PLG: variants seen among roughly 807,000 people sequenced by gnomAD.
PLG encodes the protein plasmin.
In PLG, 41 loss-of-function variants were observed where a neutral mutation model predicts 104.4. The ratio of observed to expected loss-of-function variants is 0.39; its 90% CI spans 0.31 to 0.51. The LOEUF is 0.51. Among genes scored for constraint, PLG ranks in the 20% least tolerant of loss-of-function variants. PLG has a pLI of 0.76. For missense variants in PLG, 891 were observed against 1,003.6 expected (o/e 0.89, Z 1.52); for synonymous variants, 337 against 357.1 (o/e 0.94, Z 0.63).
chr6:160,747,983 C>G (rs2115186125), intron 17 of PLG, among the ~76,000 whole-genome samples: 1 of 152,292 alleles, frequency 6.6e-6, no homozygotes, highest in South Asian at 2.1e-4. Flanking sequence ...CCCTGGCTCC[C>G]ATTTACTGGC....
At chr6:160,743,173 T>A (rs1778223819) in intron 17 of PLG, among the ~76,000 whole-genome samples, 1 of 152,160 alleles carries the variant, frequency 6.6e-6, no homozygotes, top group Non-Finnish European at 1.5e-5. Flanking sequence ...ATTTTTGAAG[T>A]AGTTTTTTAA....
intron 10 of PLG, among the ~76,000 whole-genome samples, chr6:160,729,352 C>A (rs1275229844): frequency 2.0e-5 from 3 of 152,090 alleles, no homozygotes; most frequent in Non-Finnish European, 4.4e-5. Flanking sequence ...TATGAGTCTA[C>A]CCCAAAAAAC....
rs1172402922 is a variant in PLG, at chr6:160,735,733, T to G, written c.1682-1154T>G. 2.0e-5 allele frequency among the ~76,000 whole-genome samples: 3 copies of G among 152,188 alleles called. No individual in the cohort carries two copies. The highest frequency in any genetic ancestry group is 7.2e-5 in the African/African-American group (3 of 41,448). On this transcript the variant is annotated intron_variant, in intron 13 of 18. Transcript: ENST00000308192. This position sits in a 1 kb window ranked among gnomAD's most constrained non-coding sequence, Gnocchi z 5.4. Reference sequence around the variant, plus strand: ...ACAAATAATAATAAGCAAAAATAAATAGAAACATTCAGTTTTGTTTTGAAT... The same window carrying G: ...ACAAATAATAATAAGCAAAAATAAAGAGAAACATTCAGTTTTGTTTTGAAT...
rs191282190 is a variant in PLG at position 160,713,492 on chromosome 6, C to A, written c.547+367C>A. 9.6e-4 allele frequency: 259 copies of A among 269,964 alleles called. 2 individuals are homozygous for A. Among genetic ancestry groups the A allele is most frequent in the African/African-American group, 5.6e-3 (253 of 45,088 alleles). The allele number at this position is 269,964 out of a possible 1,614,324, so 16.7% of individuals were successfully genotyped here. ...CCACGTAGGTCAGGCTGGTCTTGAA[C>A]TCTCGACCTCAGGTGATCCGCCTGC... On this transcript the variant is annotated intron_variant, in intron 5 of 18. Coordinates refer to ENST00000308192, the MANE Select transcript of PLG (RefSeq NM_000301.5).
At chr6:160,709,435 C>T (rs1777595289) in intron 3 of PLG, among the ~76,000 whole-genome samples, 1 of 152,160 alleles carries the variant, frequency 6.6e-6, no homozygotes, top group African/African-American at 2.4e-5. Flanking sequence ...TTCCTAGTGC[C>T]CTTAAAATAA....
intron 6 of PLG, 120 bp downstream of exon 6, chr6:160,715,034 T>A: frequency 1.0e-6 from 1 of 997,872 alleles, no homozygotes; most frequent in Non-Finnish European, 1.5e-6. Flanking sequence ...TGTTTTTAAT[T>A]TCAAAGCTAA....
rs1015329067 is a variant in PLG, at chr6:160,722,430, G to T, written c.1119G>T (p.Val373=). 2 of 1,612,028 alleles carry T rather than the reference G, an allele frequency of 1.2e-6. No individual in the cohort carries two copies. The highest frequency in any genetic ancestry group is 1.1e-5 in the South Asian group (1 of 90,994). Residue 373 remains valine (V), a synonymous_variant, in exon 10 of 19, where the codon GTG becomes GTT. Coordinates refer to ENST00000308192, the MANE Select transcript of PLG (RefSeq NM_000301.5). ...CAGCACCACCTGAGCTAACCCCTGT[G>T]GTCCAGGACTGCTACCATGGTGATG... The part of the protein sequence containing the change: ...APTAPPELTP[V]VQDCYHGDGQ...
intron 7 of PLG, among the ~76,000 whole-genome samples, chr6:160,717,739 G>A (rs1777763303): frequency 2.0e-5 from 3 of 152,284 alleles, no homozygotes; most frequent in Non-Finnish European, 2.9e-5. Context: ...TGAGCAAAGA[G>A]AACATAGAAA....
chr6:160,707,723 A>T lies in PLG; in HGVS notation c.209A>T (p.Glu70Val), dbSNP rs1163231651. The change falls in exon 3 of 19, where the codon GAG becomes GTG. Residue 70 changes from glutamate (E) to valine (V), a missense_variant. Glu to Val is a moderately radical substitution (Grantham distance 121). Coordinates refer to ENST00000308192, the MANE Select transcript of PLG (RefSeq NM_000301.5). ...AGGGCATTCCAATATCACAGTAAAG[A>T]GCAACAATGTGTGATAATGGCTGAA... is the stretch of plus-strand genomic sequence containing the variant. Reference protein sequence around the residue: ...TCRAFQYHSKEQQCVIMAENR... With the variant: ...TCRAFQYHSKVQQCVIMAENR... 6.2e-7 allele frequency: 1 copy of T among 1,610,984 alleles called. No homozygotes were observed. The highest frequency in any genetic ancestry group is 2.2e-5 in the East Asian group (1 of 44,868).
chr6:160,734,904 TGAGCTGGGGGAAG>T lies in PLG; in HGVS notation c.1681+822_1681+834del, dbSNP rs972064684. Among the ~76,000 whole-genome samples the T allele has an allele frequency of 6.4e-4, 97 of 152,234 alleles. No homozygotes were observed. The Middle Eastern group carries it at 0.014, about 21-fold the overall frequency. On this transcript the variant is annotated intron_variant, in intron 13 of 18. Transcript: ENST00000308192. This position sits in a 1 kb window ranked among gnomAD's most constrained non-coding sequence, Gnocchi z 4.4. ...TTGGGTCTGCCATGTGGAGGGACCT[TGAGCTGGGGGAAG>T]GAGCTTGGCCTCCAAGTCCACTGAA...
intron 17 of PLG, among the ~76,000 whole-genome samples, chr6:160,745,889 G>A (rs1161958242): frequency 6.6e-6 from 1 of 152,162 alleles, no homozygotes; most frequent in Non-Finnish European, 1.5e-5. Context: ...TGTTGCTTAG[G>A]AAGCTTAGTT....
intron 4 of PLG, chr6:160,711,521 G>A: frequency 5.2e-6 from 8 of 1,553,104 alleles, no homozygotes; most frequent in Admixed American, 1.9e-5. Context: ...GATACAGAGG[G>A]CCAACTGTAT....
In PLG at chr6:160,722,367, T is replaced by TC. The variant is rs1202104715; in HGVS notation, c.1097-40dup. ...TAAATTGCTTCATGCTTCTTTTTTTTCAGTAATTGTTAAGCTTGATTTCTT... is the reference window on the plus strand; with the variant it reads ...TAAATTGCTTCATGCTTCTTTTTTTTCCAGTAATTGTTAAGCTTGATTTCTT... On this transcript the variant is annotated intron_variant, in intron 9 of 18. Coordinates refer to ENST00000308192, the MANE Select transcript of PLG (RefSeq NM_000301.5). The TC allele has an allele frequency of 7.3e-6, 11 of 1,515,670 alleles. No homozygotes were observed. In the African/African-American group the frequency reaches 1.5e-4, roughly 21 times the overall value. 93.9% of individuals were successfully genotyped at this position (1,515,670 alleles called of 1,614,324 possible). A position where few individuals can be genotyped will look rare whatever the true frequency, so the allele number is the denominator to read the frequency against.
Position 160,707,768 on chromosome 6 carries a change from T to C in PLG, c.254T>C (p.Ile85Thr). 1 of 1,611,542 alleles carries C rather than the reference T, an allele frequency of 6.2e-7. No homozygotes were observed. Among genetic ancestry groups the C allele is most frequent in the Non-Finnish European group, 8.5e-7 (1 of 1,179,436 alleles). ...IMAENRKSSI[I>T]IRMRDVVLFE... ...GCTGAAAACAGGAAGTCCTCCATAA[T>C]CATTAGGATGAGAGATGTAGTTTTA... The change falls in exon 3 of 19, where the codon ATC becomes ACC. Residue 85 changes from isoleucine (I) to threonine (T), a missense_variant. Coordinates refer to ENST00000308192, the MANE Select transcript of PLG (RefSeq NM_000301.5).
chr6:160,733,699 C>T (rs1778038737), intron 12 of PLG, among the ~76,000 whole-genome samples: 1 of 151,662 alleles, frequency 6.6e-6, no homozygotes, highest in Non-Finnish European at 1.5e-5. Context: ...AAAAAATTAG[C>T]CAGGTGTGGT....
rs1053950513 is a variant in PLG, at chr6:160,748,366, A to G, written c.2126-3749A>G. Reference sequence around the variant, plus strand: ...GAAAAGAAAGAGAAAGAAAGAAAGAAAGAAAGAAAGAAAGAAAGAAAGAAA... The same window carrying G: ...GAAAAGAAAGAGAAAGAAAGAAAGAGAGAAAGAAAGAAAGAAAGAAAGAAA... On this transcript the variant is annotated intron_variant, in intron 17 of 18. Coordinates refer to ENST00000308192, the MANE Select transcript of PLG (RefSeq NM_000301.5). 7.9e-5 allele frequency among the ~76,000 whole-genome samples: 3 copies of G among 38,092 alleles called. 1 individual carries two copies. The highest frequency in any genetic ancestry group is 3.9e-4 in the Admixed American group (1 of 2,584). The allele number at this position is 38,092 out of a possible 152,430, so 25.0% of individuals were successfully genotyped here.
Position 160,720,410 on chromosome 6 carries a change from C to CTTTTTTTTTTTTTTTTTTTT in PLG, c.1096+1580_1096+1599dup, listed in dbSNP as rs3057066. 7.1e-3 allele frequency among the ~76,000 whole-genome samples: 413 copies of CTTTTTTTTTTTTTTTTTTTT among 58,538 alleles called. 78 individuals carry two copies. The highest frequency in any genetic ancestry group is 9.9e-3 in the East Asian group (18 of 1,816). The allele number at this position is 58,538 out of a possible 152,430, so 38.4% of individuals were successfully genotyped here. On this transcript the variant is annotated intron_variant, in intron 9 of 18. Coordinates refer to ENST00000308192, the MANE Select transcript of PLG (RefSeq NM_000301.5). Reference sequence around the variant, plus strand: ...TCTTTTCTCTTTTTTCTTTTCTTTTCTTTTTTTTTTTTTTTTTTTTTTTTT... The same window carrying CTTTTTTTTTTTTTTTTTTTT: ...TCTTTTCTCTTTTTTCTTTTCTTTTCTTTTTTTTTTTTTTTTTTTTTTTTTTTTTTTTTTTTTTTTTTTTT...
chr6:160,737,026 A>G lies in PLG; in HGVS notation c.1802+19A>G, dbSNP rs1778096809. On this transcript the variant is annotated intron_variant, in intron 14 of 18. Transcript: ENST00000308192. The surrounding 1 kb of genome is among the most constrained non-coding windows in gnomAD (Gnocchi z 4.7). ...GAACAAGGTAAGAACAGGCCCAGAA[A>G]CGATTTATACTGTCCCTCCACGTAA... 1 of 1,611,786 alleles carries G rather than the reference A, an allele frequency of 6.2e-7. No homozygotes were observed. The highest frequency in any genetic ancestry group is 8.5e-7 in the Non-Finnish European group (1 of 1,179,570).
Position 160,731,250 on chromosome 6 carries a change from G to A in PLG, c.1438+18G>A. ...CGAAGAAGGTAAGAAATCTGTGGCT[G>A]GACATCTACACACTTGGACGCTGGG... On this transcript the variant is annotated intron_variant, in intron 11 of 18. Coordinates refer to ENST00000308192, the MANE Select transcript of PLG (RefSeq NM_000301.5). The surrounding 1 kb of genome is among the most constrained non-coding windows in gnomAD (Gnocchi z 5.1). The A allele has an allele frequency of 6.2e-7, 1 of 1,602,716 alleles. No homozygotes were observed. Among genetic ancestry groups the A allele is most frequent in the Non-Finnish European group, 8.5e-7 (1 of 1,170,530 alleles).
Sources: allele counts gnomAD v4.1 joint callset (sites outside exome capture counted in the v4.1 genomes callset), GRCh38; gene constraint gnomAD v4.1.1; non-coding constraint Gnocchi (gnomAD v3.1); transcripts MANE v1.5; gene names NCBI Gene and HGNC (gene_info 2026-07-23, HGNC 2026-07-21).